Variants in CTTNBP2 observed in about 807,000 individuals in gnomAD.
The protein encoded by CTTNBP2 is cortactin-binding protein 2.
Under a neutral mutation model 156.9 loss-of-function variants are expected in CTTNBP2, and 108 were observed. The ratio of observed to expected loss-of-function variants is 0.69; its 90% CI spans 0.59 to 0.81. The LOEUF is 0.81. Ranked by LOEUF, CTTNBP2 falls within the 30% of genes least tolerant of loss-of-function variation. The pLI, the probability that CTTNBP2 is intolerant of heterozygous loss-of-function variation, is 0.00. For missense variants in CTTNBP2, 1,924 were observed against 2,035.4 expected (o/e 0.95, Z 1.05); for synonymous variants, 767 against 751.8 (o/e 1.02, Z -0.33).
intron 2 of CTTNBP2, among the ~76,000 whole-genome samples, chr7:117,811,832 A>C (rs530132590): frequency 4.9e-5 from 3 of 61,174 alleles, no homozygotes; most frequent in African/African-American, 2.9e-4. Context: ...ATTAAATTAA[A>C]ATTTTAATTA....
intron 5 of CTTNBP2, among the ~76,000 whole-genome samples, chr7:117,783,854 C>A (rs1191296936): frequency 1.3e-5 from 2 of 152,202 alleles, no homozygotes; most frequent in Non-Finnish European, 2.9e-5. Flanking sequence ...ATTCAAATAA[C>A]TATAAATTGT....
In CTTNBP2 at chr7:117,715,818, G is replaced by A. The variant is rs1379280499; in HGVS notation, c.4746+2200C>T. ...CATTGCCAGCCTTCTGGCCATGAAG[G>A]AGAAAGTGATTTCAACTAACCCAGG... On this transcript the variant is annotated intron_variant, in intron 22 of 22. Coordinates refer to ENST00000160373, the MANE Select transcript of CTTNBP2 (RefSeq NM_033427.3). The A allele has an allele frequency of 2.6e-5, 4 of 152,310 alleles. No homozygotes were observed. In the East Asian group the frequency reaches 7.7e-4, roughly 29 times the overall value. The allele number at this position is 152,310 out of a possible 1,614,324, so 9.4% of individuals were successfully genotyped here. A position where few individuals can be genotyped will look rare whatever the true frequency, so the allele number is the denominator to read the frequency against.
chr7:117,719,452 T>C, intron 21 of CTTNBP2, 52 bp downstream of exon 21: 4 of 1,528,314 alleles, frequency 2.6e-6, no homozygotes, highest in Non-Finnish European at 3.5e-6. Flanking sequence ...CCCCCAAAAG[T>C]CTCCCAGCTG....
intron 2 of CTTNBP2, among the ~76,000 whole-genome samples, chr7:117,845,830 C>T (rs541411124): frequency 1.3e-5 from 2 of 152,154 alleles, no homozygotes; most frequent in Admixed American, 6.5e-5. Context: ...TTTACTGCTA[C>T]CTGTGTGGTT....
At chr7:117,853,915 T>C (rs1000070247) in intron 2 of CTTNBP2, among the ~76,000 whole-genome samples, 1 of 152,240 alleles carries the variant, frequency 6.6e-6, no homozygotes, top group Admixed American at 6.5e-5. Flanking sequence ...TTCTAATATA[T>C]GGAAAAGCAA....
chr7:117,836,820 C>G (rs1238005806), intron 2 of CTTNBP2, among the ~76,000 whole-genome samples: 1 of 152,078 alleles, frequency 6.6e-6, no homozygotes, highest in Non-Finnish European at 1.5e-5. Flanking sequence ...AAGGGGAAAC[C>G]CTTTATAAAA....
In CTTNBP2 at chr7:117,858,098, C is replaced by T. The variant is rs58426623; in HGVS notation, c.189+3111G>A. Among the ~76,000 whole-genome samples the T allele has an allele frequency of 3.6e-3, 547 of 152,292 alleles. 1 individual carries two copies. The highest frequency in any genetic ancestry group is 0.013 in the African/African-American group (522 of 41,562). ...TTCAGGAATCTCCATAGGTCGGGCG[C>T]GGTGGCTCACGCCTGTAATCCCAGC... On this transcript the variant is annotated intron_variant, in intron 2 of 22. Coordinates refer to ENST00000160373, the MANE Select transcript of CTTNBP2 (RefSeq NM_033427.3).
chr7:117,858,085 C>A (rs1803451506), intron 2 of CTTNBP2, among the ~76,000 whole-genome samples: 4 of 152,116 alleles, frequency 2.6e-5, no homozygotes, highest in African/African-American at 9.7e-5. Flanking sequence ...CAGGAATCTC[C>A]ATAGGTCGGG....
intron 19 of CTTNBP2, among the ~76,000 whole-genome samples, chr7:117,723,170 C>T (rs1214181024): frequency 6.6e-6 from 1 of 151,974 alleles, no homozygotes; most frequent in East Asian, 1.9e-4. Flanking sequence ...AAATACTGAT[C>T]TTTTTAAAAG....
chr7:117,790,333 C>T (rs1367133584), intron 4 of CTTNBP2, among the ~76,000 whole-genome samples: 1 of 152,196 alleles, frequency 6.6e-6, no homozygotes, highest in African/African-American at 2.4e-5. Context: ...AATAACTAAT[C>T]CAGTCATGTC....
At chr7:117,743,986 C>T (rs532893446) in intron 14 of CTTNBP2, among the ~76,000 whole-genome samples, 2 of 151,986 alleles carry the variant, frequency 1.3e-5, no homozygotes, top group Admixed American at 6.5e-5. Context: ...ATCCTCAGTG[C>T]TTCCCTAAAC....
chr7:117,804,761 G>T (rs898630282), intron 3 of CTTNBP2, among the ~76,000 whole-genome samples: 1 of 152,146 alleles, frequency 6.6e-6, no homozygotes, highest in Non-Finnish European at 1.5e-5. Context: ...CACACACTGG[G>T]GCCTGTTGGG....
intron 12 of CTTNBP2, among the ~76,000 whole-genome samples, chr7:117,751,760 A>G (rs928181446): frequency 2.0e-5 from 3 of 152,200 alleles, no homozygotes; most frequent in African/African-American, 7.2e-5. Flanking sequence ...CAGACATAAT[A>G]ATTTGGGTAT....
At chr7:117,809,438 T>C (rs182915852) in intron 3 of CTTNBP2, among the ~76,000 whole-genome samples, 39 of 152,350 alleles carry the variant, frequency 2.6e-4, no homozygotes, top group Non-Finnish European at 1.6e-4. Context: ...ATGTATCCCA[T>C]CCAAGAAATA....
chr7:117,799,210 T>C (rs1416747804), intron 3 of CTTNBP2, among the ~76,000 whole-genome samples: 1 of 151,910 alleles, frequency 6.6e-6, no homozygotes, highest in Non-Finnish European at 1.5e-5. Context: ...AAAATTTTTT[T>C]TAATTTACAG....
chr7:117,867,248 G>A (rs1804259698), intron 1 of CTTNBP2, among the ~76,000 whole-genome samples: 1 of 152,232 alleles, frequency 6.6e-6, no homozygotes, highest in East Asian at 1.9e-4. Context: ...CTCTGATGCT[G>A]CTCTTCCTAA....
chr7:117,872,606 C>G (rs960330374), intron 1 of CTTNBP2, among the ~76,000 whole-genome samples: 1 of 152,174 alleles, frequency 6.6e-6, no homozygotes, highest in Admixed American at 6.5e-5. Context: ...GGCCTCTAGA[C>G]TCCAGAGAAG....
At chr7:117,860,380 T>C (rs1803639771) in intron 2 of CTTNBP2, among the ~76,000 whole-genome samples, 1 of 151,986 alleles carries the variant, frequency 6.6e-6, no homozygotes, top group Non-Finnish European at 1.5e-5. Context: ...TCTTGCTCTG[T>C]CGCCCAGGCT....
intron 14 of CTTNBP2, among the ~76,000 whole-genome samples, chr7:117,743,761 C>CAAAAAAAA (rs556372208): frequency 5.1e-4 from 10 of 19,636 alleles, no homozygotes; most frequent in African/African-American, 1.0e-3. Flanking sequence ...GACTCTGTCT[C>CAAAAAAAA]AAAAAAAAAA....
Sources: gnomAD v4.1 joint callset for allele counts (sites outside exome capture counted in the v4.1 genomes callset) on GRCh38, gnomAD v4.1.1 for gene constraint, MANE v1.5 for transcripts, NCBI Gene and HGNC (gene_info 2026-07-23, HGNC 2026-07-21) for gene names.